REDIC1: variants seen among roughly 807,000 people sequenced by gnomAD.
REDIC1 encodes HEI10 Interacting Protein 1.
At chr12:39,896,542 ATGTG>A in the REDIC1 span, among the ~76,000 whole-genome samples, 142 of 142,686 alleles carry the variant, frequency 1.0e-3, 2 homozygotes, top group Non-Finnish European at 1.6e-3. Context: ...GTATGTATGT[ATGTG>A]TGTATACATG....
the REDIC1 span, among the ~76,000 whole-genome samples, chr12:39,701,125 A>T: frequency 6.6e-6 from 1 of 151,988 alleles, no homozygotes; most frequent in Non-Finnish European, 1.5e-5. Context: ...TGCTCCAATT[A>T]AAAGACACAG....
At chr12:39,660,422 T>C in the REDIC1 span, among the ~76,000 whole-genome samples, 2 of 152,208 alleles carry the variant, frequency 1.3e-5, no homozygotes, top group Non-Finnish European at 2.9e-5. Context: ...TCTCCTCATT[T>C]GTTTTCTCTC....
chr12:39,821,110 G>A, the REDIC1 span, among the ~76,000 whole-genome samples: 1 of 151,916 alleles, frequency 6.6e-6, no homozygotes, highest in Non-Finnish European at 1.5e-5. Context: ...TTTCTTTAGA[G>A]TTCCTTTTAT....
chr12:39,712,908 C>CGT, the REDIC1 span, among the ~76,000 whole-genome samples: 2,480 of 141,378 alleles, frequency 0.018, 34 homozygotes, highest in Non-Finnish European at 0.023. Context: ...CGTGTATATA[C>CGT]GTATATACAT....
the REDIC1 span, among the ~76,000 whole-genome samples, chr12:39,714,200 TATATACATGC>T: frequency 8.3e-4 from 63 of 75,714 alleles, 1 homozygote; most frequent in African/African-American, 1.9e-3. Context: ...TGTATATATG[TATATACATGC>T]ATATACGTAT....
the REDIC1 span, among the ~76,000 whole-genome samples, chr12:39,774,445 T>C: frequency 6.6e-6 from 1 of 152,202 alleles, no homozygotes; most frequent in Non-Finnish European, 1.5e-5. Flanking sequence ...TAAACTTATG[T>C]CAAGGGTGGC....
the REDIC1 span, among the ~76,000 whole-genome samples, chr12:39,806,825 C>A: frequency 6.6e-6 from 1 of 151,876 alleles, no homozygotes; most frequent in African/African-American, 2.4e-5. Flanking sequence ...TGGAAACAAC[C>A]CATGTCTTTA....
the REDIC1 span, among the ~76,000 whole-genome samples, chr12:39,731,701 C>T: frequency 6.6e-6 from 1 of 152,184 alleles, no homozygotes; most frequent in Admixed American, 6.5e-5. Context: ...TTGTTGCTGT[C>T]TTCAGAGCCA....
At chr12:39,887,107 C>G in the REDIC1 span, among the ~76,000 whole-genome samples, 6 of 152,150 alleles carry the variant, frequency 3.9e-5, no homozygotes, top group African/African-American at 1.4e-4. Flanking sequence ...GCACGCTACA[C>G]ACAGAACAAA....
At chr12:39,767,302 C>CTT in the REDIC1 span, among the ~76,000 whole-genome samples, 20,407 of 147,156 alleles carry the variant, frequency 0.14, 1,619 homozygotes, top group East Asian at 0.4. Context: ...TGAAAGGAAT[C>CTT]TTTTTTTTCT....
At chr12:39,859,589 C>G in the REDIC1 span, among the ~76,000 whole-genome samples, 2 of 152,188 alleles carry the variant, frequency 1.3e-5, no homozygotes, top group East Asian at 3.8e-4. Flanking sequence ...GTGGCACCAT[C>G]TCAGCTCACT....
At chr12:39,728,689 T>G in the REDIC1 span, among the ~76,000 whole-genome samples, 3 of 152,126 alleles carry the variant, frequency 2.0e-5, no homozygotes, top group Non-Finnish European at 4.4e-5. Flanking sequence ...GTCCCTCTTT[T>G]TCTATTGTTT....
At chr12:39,747,469 T>C in the REDIC1 span, among the ~76,000 whole-genome samples, 2 of 152,132 alleles carry the variant, frequency 1.3e-5, no homozygotes, top group Non-Finnish European at 2.9e-5. Flanking sequence ...CTGAAAGTGA[T>C]GGGGAGAATG....
chr12:39,632,534 A>G, the REDIC1 span, among the ~76,000 whole-genome samples: 2 of 152,216 alleles, frequency 1.3e-5, no homozygotes, highest in African/African-American at 4.8e-5. Context: ...GTATATATGT[A>G]TGTATGCATG....
chr12:39,897,577 T>C, the REDIC1 span, among the ~76,000 whole-genome samples: 1 of 152,178 alleles, frequency 6.6e-6, no homozygotes, highest in Non-Finnish European at 1.5e-5. Context: ...CTCTGTCCAA[T>C]GTCCAATATG....
the REDIC1 span, among the ~76,000 whole-genome samples, chr12:39,677,500 T>A: frequency 6.6e-6 from 1 of 152,046 alleles, no homozygotes; most frequent in Non-Finnish European, 1.5e-5. Flanking sequence ...GTGGGGGATT[T>A]CAGTACCCCA....
chr12:39,704,091 A>T, the REDIC1 span, among the ~76,000 whole-genome samples: 1 of 152,190 alleles, frequency 6.6e-6, no homozygotes, highest in Admixed American at 6.5e-5. Context: ...ATTAAAGTAA[A>T]GAGCTTCTGC....
At chr12:39,723,009 C>T in the REDIC1 span, among the ~76,000 whole-genome samples, 1 of 152,128 alleles carries the variant, frequency 6.6e-6, no homozygotes, top group Non-Finnish European at 1.5e-5. Flanking sequence ...TAGTCAGCCA[C>T]ACCGCTGTGA....
chr12:39,838,630 A>T, the REDIC1 span, among the ~76,000 whole-genome samples: 1 of 152,092 alleles, frequency 6.6e-6, no homozygotes, highest in Non-Finnish European at 1.5e-5. Context: ...AGTAAAAAAG[A>T]GCAGGACAAA....
Sources: allele counts gnomAD v4.1 joint callset (sites outside exome capture counted in the v4.1 genomes callset), GRCh38; gene constraint gnomAD v4.1.1; transcripts MANE v1.5; gene names NCBI Gene and HGNC (gene_info 2026-07-23, HGNC 2026-07-21).